The following WDR81 variants were observed in gnomAD, a reference collection of about 807,000 sequenced individuals.
WDR81 encodes the protein WD repeat-containing protein 81.
Under a neutral mutation model 140.8 loss-of-function variants are expected in WDR81, and 92 were observed. That is an observed-to-expected ratio of 0.65 (90% CI 0.55 to 0.78). The LOEUF (loss-of-function observed/expected upper bound fraction) is 0.78, where lower values mean the gene tolerates loss of function less well. WDR81 is among the 30% of genes least tolerant of loss of function. WDR81 has a pLI of 0.00. For synonymous variants in WDR81, 1,183 were observed against 1,156.4 expected (o/e 1.02, Z -0.47); for missense variants, 2,502 against 2,636.4 (o/e 0.95, Z 1.12).
chr17:1,734,777 TCAAA>T (rs775127826), intron 7 of WDR81, among the ~76,000 whole-genome samples: 1 of 114,372 alleles, frequency 8.7e-6, no homozygotes, highest in Non-Finnish European at 1.9e-5. Flanking sequence ...AGACTCTGTC[TCAAA>T]AAAAAAAAAA....
At position 1,738,450 on chromosome 17, in the gene WDR81, C is replaced by G. The variant is rs866709777; in HGVS notation, c.*765C>G. The G allele has an allele frequency of 6.5e-6, 1 of 152,968 alleles. No homozygotes were observed. Among genetic ancestry groups the G allele is most frequent in the African/African-American group, 2.4e-5 (1 of 41,458 alleles). The allele number at this position is 152,968 out of a possible 1,614,324, so 9.5% of individuals were successfully genotyped here. ...GAAGAATCATCTCTGCACCTCGGGT[C>G]TCTGCCAGAGGAAGACTTAAGCATC... On this transcript the variant is annotated 3_prime_UTR_variant, in exon 10 of 10. Coordinates refer to ENST00000409644, the MANE Select transcript of WDR81 (RefSeq NM_001163809.2).
intron 4 of WDR81, among the ~76,000 whole-genome samples, chr17:1,731,587 C>T (rs189298695): frequency 1.3e-5 from 2 of 151,304 alleles, no homozygotes; most frequent in East Asian, 3.9e-4. Flanking sequence ...GCCTGGGCAA[C>T]AAAATGAGAC....
intron 6 of WDR81, 89 bp downstream of exon 6, chr17:1,732,920 C>T: frequency 6.7e-7 from 1 of 1,494,328 alleles, no homozygotes; most frequent in African/African-American, 1.4e-5. Context: ...CCAGAGTCAG[C>T]AGTGGGTTCT....
Position 1,727,998 on chromosome 17 carries a change from G to A in WDR81, c.3039G>A (p.Ala1013=), listed in dbSNP as rs1032923920. 1.5e-5 allele frequency: 24 copies of A among 1,550,658 alleles called. No individual in the cohort carries two copies. Among genetic ancestry groups the A allele is most frequent in the Middle Eastern group, 1.7e-4 (1 of 6,012 alleles). The change falls in exon 1 of 10, where the codon GCG becomes GCA. Residue 1013 remains alanine, a synonymous_variant. Coordinates refer to ENST00000409644, the MANE Select transcript of WDR81 (RefSeq NM_001163809.2). ...HLLPHVLQVL[A]GAEASQEESK... ...TGCCCCATGTCCTGCAGGTGCTGGC[G>A]GGCGCAGAGGCCTCCCAGGAGGAGA...
chr17:1,726,540 C>G lies in WDR81; in HGVS notation c.1581C>G (p.Ala527=), dbSNP rs1357170804. The G allele has an allele frequency of 6.5e-7, 1 of 1,550,288 alleles. No homozygotes were observed. The highest frequency in any genetic ancestry group is 1.4e-5 in the African/African-American group (1 of 73,044). Residue 527 remains alanine (A), a synonymous_variant, in exon 1 of 10, where the codon GCC becomes GCG. Transcript: ENST00000409644. ...GCTCCAGCCAGGAGTTCGTAGCTGC[C>G]CACCGAGCCCTGCTGGAGAGCCGCG... The part of the protein sequence containing the change: ...WCSSSQEFVA[A]HRALLESREV...
intron 9 of WDR81, 134 bp from the exon 10 acceptor site, chr17:1,737,231 G>A: frequency 1.3e-6 from 1 of 742,512 alleles, no homozygotes. Context: ...GTGTGGGAGG[G>A]TGGCGGCTTG....
Position 1,730,794 on chromosome 17 carries a change from G to T in WDR81, c.3815G>T (p.Ser1272Ile), listed in dbSNP as rs1220056893. The T allele has an allele frequency of 6.2e-7, 1 of 1,612,166 alleles. No homozygotes were observed. The highest frequency in any genetic ancestry group is 1.7e-5 in the Admixed American group (1 of 60,018). Residue 1272 changes from serine to isoleucine, a missense_variant, in exon 3 of 10, where the codon AGC (serine) becomes ATC (isoleucine). Ser to Ile is a moderately radical substitution (Grantham distance 142, BLOSUM62 -2). Coordinates refer to ENST00000409644, the MANE Select transcript of WDR81 (RefSeq NM_001163809.2). ...RQQFTVSSGE[S>I]PPLSAGNIYQ... is the part of the protein sequence containing the mutation. ...CAGTTCACAGTGAGCAGTGGCGAGA[G>T]CCCACCGCTGAGCGCCGGCAACATC...
intron 7 of WDR81, among the ~76,000 whole-genome samples, chr17:1,734,728 G>A (rs977673069): frequency 1.3e-5 from 2 of 151,364 alleles, no homozygotes; most frequent in Admixed American, 6.6e-5. Context: ...GCCGTGAGCC[G>A]AGATCGCACC....
At chr17:1,717,763 A>G (rs907478957) in intron 1 of WDR81, among the ~76,000 whole-genome samples, 10 of 152,092 alleles carry the variant, frequency 6.6e-5, no homozygotes, top group African/African-American at 2.4e-4. Context: ...TGTCTCCCCC[A>G]ACCCCAACCC....
At position 1,737,760 on chromosome 17, in the gene WDR81, C is replaced by CAGCAG; in HGVS notation, c.*76_*80dup. ...GTGTCCACTCACCCTGTTCCCTGAG[C>CAGCAG]AGCAGCTCCCTCCAGGGAGGCCCTG... On this transcript the variant is annotated 3_prime_UTR_variant, in exon 10 of 10. Transcript: ENST00000409644. The CAGCAG allele has an allele frequency of 6.7e-7, 1 of 1,487,010 alleles. No homozygotes were observed. Among genetic ancestry groups the CAGCAG allele is most frequent in the Non-Finnish European group, 8.9e-7 (1 of 1,119,546 alleles). 92.1% of individuals were successfully genotyped at this position (1,487,010 alleles called of 1,614,324 possible).
In WDR81 at chr17:1,727,701, G is replaced by A. The variant is rs1915384088; in HGVS notation, c.2742G>A (p.Lys914=). Residue 914 remains lysine, a synonymous_variant, in exon 1 of 10, where the codon AAG becomes AAA. Transcript: ENST00000409644. ...GGCAGCAGCTGGGCGCGGTGCTGAA[G>A]GACATCACCCCTGAGGGCCTGGAGA... ...ALWQQLGAVL[K]DITPEGLEIL... is the part of the protein sequence containing the mutation. The A allele has an allele frequency of 2.6e-6, 4 of 1,550,454 alleles. No individual in the cohort carries two copies. In the South Asian group the frequency reaches 3.6e-5, roughly 14 times the overall value.
At position 1,725,274 on chromosome 17, in the gene WDR81, G is replaced by C. The variant is rs984076214; in HGVS notation, c.315G>C (p.Val105=). 6.5e-7 allele frequency: 1 copy of C among 1,545,806 alleles called. No homozygotes were observed. Among genetic ancestry groups the C allele is most frequent in the African/African-American group, 1.4e-5 (1 of 73,062 alleles). The change falls in exon 1 of 10, where the codon GTG becomes GTC. Residue 105 remains valine (V), a synonymous_variant. Transcript: ENST00000409644. ...VQRLPAGWTR[V]EVHGLRKRRL... ...GGCTGCCTGCCGGCTGGACGCGCGTGGAGGTGCATGGGCTGCGGAAGCGGA... is the reference window on the plus strand; with the variant it reads ...GGCTGCCTGCCGGCTGGACGCGCGTCGAGGTGCATGGGCTGCGGAAGCGGA...
rs1381811477 is a variant in WDR81 at position 1,725,245 on chromosome 17, C to G, written c.286C>G (p.Gln96Glu). Reference sequence around the variant, plus strand: ...CAGGACTCTCCTGCAGCGCTCTGTGCAAAGGCTGCCTGCCGGCTGGACGCG... The same window carrying G: ...CAGGACTCTCCTGCAGCGCTCTGTGGAAAGGCTGCCTGCCGGCTGGACGCG... ...EVRTLLQRSV[Q>E]RLPAGWTRVE... Residue 96 changes from glutamine to glutamate, a missense_variant, in exon 1 of 10, where the codon CAA becomes GAA. Gln to Glu is a conservative substitution (Grantham distance 29). This residue lies in a region of WDR81 where 547 missense variants were observed against 513.8 expected (regional missense o/e 1.06). Coordinates refer to ENST00000409644, the MANE Select transcript of WDR81 (RefSeq NM_001163809.2). 2 of 1,542,520 alleles carry G rather than the reference C, an allele frequency of 1.3e-6. No homozygotes were observed. The highest frequency in any genetic ancestry group is 1.7e-6 in the Non-Finnish European group (2 of 1,146,926).
intron 2 of WDR81, 69 bp downstream of exon 2, chr17:1,730,556 C>A: frequency 1.3e-6 from 2 of 1,506,126 alleles, no homozygotes; most frequent in South Asian, 1.2e-5. Flanking sequence ...CTTCAGCGCT[C>A]TCCGGCGGGG....
intron 4 of WDR81, 123 bp downstream of exon 4, chr17:1,731,381 T>A (rs569032479): frequency 8.1e-7 from 1 of 1,235,170 alleles, no homozygotes; most frequent in African/African-American, 1.5e-5. Flanking sequence ...CTGGTTTTGA[T>A]CCCGGCTGTG....
chr17:1,734,778 CA>C (rs35846888), intron 7 of WDR81, among the ~76,000 whole-genome samples: 65,746 of 114,776 alleles, frequency 0.57, 14,526 homozygotes, highest in South Asian at 0.63. Flanking sequence ...GACTCTGTCT[CA>C]AAAAAAAAAA....
rs1915116181 is a variant in WDR81, at chr17:1,724,883, C to G, written c.-77C>G. Reference sequence around the variant, plus strand: ...CCGCGCCCATCCCAGCCCCGCCGGCCTGGCACCCCGGAAGCCGTCGCCAGC... The same window carrying G: ...CCGCGCCCATCCCAGCCCCGCCGGCGTGGCACCCCGGAAGCCGTCGCCAGC... On this transcript the variant is annotated 5_prime_UTR_variant, in exon 1 of 10. Coordinates refer to ENST00000409644, the MANE Select transcript of WDR81 (RefSeq NM_001163809.2). 1 of 1,275,972 alleles carries G rather than the reference C, an allele frequency of 7.8e-7. No individual in the cohort carries two copies. The highest frequency in any genetic ancestry group is 1.6e-5 in the African/African-American group (1 of 64,416). The allele number at this position is 1,275,972 out of a possible 1,614,324, so 79.0% of individuals were successfully genotyped here.
Position 1,735,992 on chromosome 17 carries a change from G to A in WDR81, c.5326-47G>A, listed in dbSNP as rs1477528392. The A allele has an allele frequency of 1.3e-6, 2 of 1,553,378 alleles. No individual in the cohort carries two copies. The highest frequency in any genetic ancestry group is 1.3e-5 in the African/African-American group (1 of 74,304). Reference sequence around the variant, plus strand: ...GGTGGTGGGCAGGGCCTTGGGGAGTGTGAGATGGGAAGGTGGTGCCTCAGC... The same window carrying A: ...GGTGGTGGGCAGGGCCTTGGGGAGTATGAGATGGGAAGGTGGTGCCTCAGC... On this transcript the variant is annotated intron_variant, in intron 8 of 9. Coordinates refer to ENST00000409644, the MANE Select transcript of WDR81 (RefSeq NM_001163809.2). This position sits in a 1 kb window ranked among gnomAD's most constrained non-coding sequence, Gnocchi z 4.2.
At chr17:1,723,423 A>ATT (rs1914986644), upstream of WDR81, among the ~76,000 whole-genome samples, 2 of 146,558 alleles carry the variant, frequency 1.4e-5, no homozygotes, top group Non-Finnish European at 1.5e-5. Flanking sequence ...ATTTATTTTT[A>ATT]TTTATTTATT....
Sources: allele counts gnomAD v4.1 joint callset (sites outside exome capture counted in the v4.1 genomes callset), GRCh38; gene constraint gnomAD v4.1.1; regional missense constraint gnomAD v4.1.1; non-coding constraint Gnocchi (gnomAD v3.1); transcripts MANE v1.5; gene names NCBI Gene and HGNC (gene_info 2026-07-23, HGNC 2026-07-21).